The following CCDC30 variants were observed in gnomAD, a reference collection of about 807,000 sequenced individuals.
CCDC30 encodes the protein coiled-coil domain containing 30.
In CCDC30, 70 loss-of-function variants were observed where a neutral mutation model predicts 100.2. That is an observed-to-expected ratio of 0.70 (90% CI 0.58 to 0.85). CCDC30 has a LOEUF of 0.85. Among genes scored for constraint, CCDC30 ranks in the 40% least tolerant of loss-of-function variants. The probability of loss-of-function intolerance (pLI) is 0.00; values close to 1 mark genes in which losing one functional copy is unlikely to be tolerated. For missense variants in CCDC30, 652 were observed against 771.2 expected (o/e 0.85, Z 1.83); for synonymous variants, 233 against 269.5 (o/e 0.86, Z 1.33).
chr1:42,599,563 A>C (rs944756784), intron 10 of CCDC30, among the ~76,000 whole-genome samples: 1 of 152,248 alleles, frequency 6.6e-6, no homozygotes, highest in African/African-American at 2.4e-5. Flanking sequence ...AATTATATTA[A>C]TAATCACTTT....
At chr1:42,533,654 T>C (rs4660229) in intron 6 of CCDC30, among the ~76,000 whole-genome samples, 20,687 of 152,214 alleles carry the variant, frequency 0.14, 1,533 homozygotes, top group East Asian at 0.18. Context: ...CATAAACCGC[T>C]TCCACCTACA....
chr1:42,564,576 T>G (rs1053324604), intron 6 of CCDC30, among the ~76,000 whole-genome samples: 5 of 152,134 alleles, frequency 3.3e-5, no homozygotes, highest in African/African-American at 1.2e-4. Context: ...TATTCAGGAT[T>G]ATTGACAAAT....
chr1:42,571,849 T>G lies in CCDC30; in HGVS notation c.637-5171T>G, dbSNP rs138850288. ...TTCATAAGCTAAGCACTCTACACAC[T>G]TGAGCAGCTTTTATTGAAAGAACTT... On this transcript the variant is annotated intron_variant, in intron 7 of 16. Coordinates refer to ENST00000668663, the Ensembl canonical transcript of CCDC30. Among the ~76,000 whole-genome samples, 456 of 152,350 alleles carry G rather than the reference T, an allele frequency of 3.0e-3. 7 individuals are homozygous for G. Among genetic ancestry groups the G allele is most frequent in the African/African-American group, 0.01 (432 of 41,578 alleles).
intron 13 of CCDC30, 84 bp downstream of exon 17, chr1:42,642,693 C>T (rs1647558790): frequency 7.8e-7 from 1 of 1,285,270 alleles, no homozygotes; most frequent in South Asian, 2.7e-5. Context: ...AGAGACTGTC[C>T]TTTGAGTTTG....
intron 1 of CCDC30, among the ~76,000 whole-genome samples, chr1:42,465,500 G>C (rs1218091255): frequency 6.6e-6 from 1 of 152,126 alleles, no homozygotes; most frequent in African/African-American, 2.4e-5. Context: ...GAGTAGCTGG[G>C]ATTATAGGCA....
At chr1:42,520,084 G>A (rs1210860927) in intron 6 of CCDC30, among the ~76,000 whole-genome samples, 1 of 151,800 alleles carries the variant, frequency 6.6e-6, no homozygotes, top group Non-Finnish European at 1.5e-5. Context: ...TTTCTTGATT[G>A]TTTTTCATTT....
At chr1:42,543,130 C>T (rs1414653468) in intron 6 of CCDC30, among the ~76,000 whole-genome samples, 5 of 151,898 alleles carry the variant, frequency 3.3e-5, no homozygotes, top group African/African-American at 7.3e-5. Context: ...CCTGCCACCA[C>T]GCCCAGCTAA....
At chr1:42,528,205 C>A (rs757562277) in intron 6 of CCDC30, among the ~76,000 whole-genome samples, 4 of 152,160 alleles carry the variant, frequency 2.6e-5, no homozygotes, top group Non-Finnish European at 2.9e-5. Flanking sequence ...CTAGAACAAA[C>A]CAGTTGGAAC....
intron 10 of CCDC30, among the ~76,000 whole-genome samples, chr1:42,599,688 T>C (rs1338754603): frequency 6.6e-6 from 1 of 152,064 alleles, no homozygotes; most frequent in Non-Finnish European, 1.5e-5. Flanking sequence ...TAAAGACACA[T>C]GTAAATTAAA....
chr1:42,598,853 G>A (rs1027859733), intron 10 of CCDC30, among the ~76,000 whole-genome samples: 1 of 152,000 alleles, frequency 6.6e-6, no homozygotes, highest in East Asian at 1.9e-4. Flanking sequence ...TTGAGACCAG[G>A]AGTTTGAGAC....
chr1:42,656,301 T>C (rs1400152795), downstream of CCDC30, among the ~76,000 whole-genome samples: 1 of 152,232 alleles, frequency 6.6e-6, no homozygotes, highest in East Asian at 1.9e-4. Context: ...TAAATGTTAA[T>C]ATTGCTCTAG....
chr1:42,459,178 T>G (rs1262819624), upstream of CCDC30: 10 of 124,170 alleles, frequency 8.1e-5, no homozygotes, highest in Non-Finnish European at 1.2e-4. Context: ...TTTTTTTTTT[T>G]GTGAGACAAG....
At chr1:42,500,345 C>G in intron 6 of CCDC30, 2 of 1,598,378 alleles carry the variant, frequency 1.3e-6, no homozygotes, top group South Asian at 2.2e-5. Flanking sequence ...GACATAGTTG[C>G]CGAGGAAAAG....
chr1:42,648,290 A>T (rs538968025), intron 15 of CCDC30, among the ~76,000 whole-genome samples: 2 of 152,284 alleles, frequency 1.3e-5, no homozygotes, highest in Admixed American at 1.3e-4. Context: ...AAGTGGAAAG[A>T]CTTCAAATAA....
At position 42,581,002 on chromosome 1, in the gene CCDC30, C is replaced by T. The variant is rs146196948; in HGVS notation, c.847-358C>T. The T allele has an allele frequency of 6.0e-4, 217 of 359,802 alleles. 1 individual carries two copies. Among genetic ancestry groups the T allele is most frequent in the African/African-American group, 4.6e-3 (209 of 45,918 alleles). 22.3% of individuals were successfully genotyped at this position (359,802 alleles called of 1,614,324 possible). On this transcript the variant is annotated intron_variant, in intron 8 of 16. Coordinates refer to ENST00000668663, the Ensembl canonical transcript of CCDC30. ...TACAGGTACTCACCACCACGCCCGG[C>T]TAATTTTTGTATTTTTTTGTAAATA... is the stretch of plus-strand genomic sequence containing the variant.
chr1:42,642,184 C>T (rs1647498691), intron 12 of CCDC30, among the ~76,000 whole-genome samples: 1 of 151,844 alleles, frequency 6.6e-6, no homozygotes, highest in South Asian at 2.1e-4. Context: ...AGAGATCACG[C>T]CACTGTATTC....
At chr1:42,542,047 T>C (rs1478981719) in intron 6 of CCDC30, among the ~76,000 whole-genome samples, 5 of 152,210 alleles carry the variant, frequency 3.3e-5, no homozygotes, top group African/African-American at 4.8e-5. Context: ...AATCAGAAAG[T>C]GGAACCATAA....
chr1:42,569,761 T>C (rs1047681146), intron 7 of CCDC30, among the ~76,000 whole-genome samples: 14 of 152,004 alleles, frequency 9.2e-5, no homozygotes, highest in Non-Finnish European at 1.8e-4. Context: ...ATAAAGAAAA[T>C]GTGGCACATA....
At chr1:42,624,007 C>A (rs1481007477) in intron 11 of CCDC30, among the ~76,000 whole-genome samples, 1 of 152,046 alleles carries the variant, frequency 6.6e-6, no homozygotes, top group Non-Finnish European at 1.5e-5. Flanking sequence ...TAAATGGAAT[C>A]GCTTTTTAAT....
Sources: allele counts gnomAD v4.1 joint callset (sites outside exome capture counted in the v4.1 genomes callset), GRCh38; gene constraint gnomAD v4.1.1; transcripts MANE v1.5; gene names NCBI Gene and HGNC (gene_info 2026-07-23, HGNC 2026-07-21).